The following CFH variants were observed in gnomAD, a reference collection of about 807,000 sequenced individuals.
The protein encoded by CFH is H factor 1 (complement).
Under a neutral mutation model 147.3 loss-of-function variants are expected in CFH, and 53 were observed. That is an observed-to-expected ratio of 0.36 (90% CI 0.29 to 0.45). The LOEUF is 0.45. Ranked by LOEUF, CFH falls within the 20% of genes least tolerant of loss-of-function variation. CFH has a pLI of 1.00. For missense variants in CFH, 1,380 were observed against 1,498.0 expected, an observed-to-expected ratio of 0.92 and a Z score of 1.30; for synonymous variants, 536 against 489.4, an observed-to-expected ratio of 1.10 and a Z score of -1.26.
chr1:196,743,427 A>G, intron 19 of CFH, 25 bp from the exon 20 acceptor site: 1 of 1,613,882 alleles, frequency 6.2e-7, no homozygotes, highest in Non-Finnish European at 8.5e-7. Flanking sequence ...CACTAGGTGG[A>G]ACCACTTCTT....
At chr1:196,704,671 G>A (rs907613677) in intron 9 of CFH, among the ~76,000 whole-genome samples, 1 of 152,172 alleles carries the variant, frequency 6.6e-6, no homozygotes, top group Non-Finnish European at 1.5e-5. Context: ...CTAAAGCAGC[G>A]CCCTTTGAGA....
chr1:196,743,184 C>G (rs1652870872), intron 19 of CFH, among the ~76,000 whole-genome samples: 1 of 152,148 alleles, frequency 6.6e-6, no homozygotes, highest in African/African-American at 2.4e-5. Context: ...TTCGTTTACA[C>G]TGGCTTCCAG....
At chr1:196,659,293 A>G (rs1476339087) in intron 1 of CFH, among the ~76,000 whole-genome samples, 1 of 152,218 alleles carries the variant, frequency 6.6e-6, no homozygotes, top group African/African-American at 2.4e-5. Context: ...CCTAATTATT[A>G]TTAGAACTCA....
At chr1:196,704,426 A>T (rs2149097898) in intron 9 of CFH, among the ~76,000 whole-genome samples, 1 of 152,202 alleles carries the variant, frequency 6.6e-6, no homozygotes, top group East Asian at 1.9e-4. Context: ...TCTTAACCAA[A>T]CTAAATGCTA....
chr1:196,671,242 G>A (rs531912059), intron 1 of CFH, among the ~76,000 whole-genome samples: 1 of 151,912 alleles, frequency 6.6e-6, no homozygotes, highest in South Asian at 2.1e-4. Context: ...CTGTTATAAA[G>A]ACCTAACACT....
At chr1:196,712,267 T>C (rs1317998879) in intron 9 of CFH, among the ~76,000 whole-genome samples, 2 of 152,038 alleles carry the variant, frequency 1.3e-5, no homozygotes, top group African/African-American at 2.4e-5. Flanking sequence ...TTAAATTGTC[T>C]GTACTGATTG....
At chr1:196,661,712 T>G (rs574335175) in intron 1 of CFH, among the ~76,000 whole-genome samples, 8 of 152,322 alleles carry the variant, frequency 5.3e-5, no homozygotes, top group African/African-American at 1.9e-4. Flanking sequence ...GGAGGTTGCA[T>G]GTATTCAGAG....
intron 14 of CFH, among the ~76,000 whole-genome samples, chr1:196,727,319 T>C (rs1669169293): frequency 1.3e-5 from 2 of 151,988 alleles, no homozygotes; most frequent in Admixed American, 6.6e-5. Context: ...GTGGGCAATA[T>C]AGCAAAAGCC....
At chr1:196,705,329 A>C (rs1029305066) in intron 9 of CFH, among the ~76,000 whole-genome samples, 1 of 152,140 alleles carries the variant, frequency 6.6e-6, no homozygotes, top group Non-Finnish European at 1.5e-5. Context: ...ACTGGAGAGA[A>C]GCTCTTGTCA....
chr1:196,730,888 A>G (rs936637258), intron 15 of CFH, among the ~76,000 whole-genome samples: 1 of 151,808 alleles, frequency 6.6e-6, no homozygotes, highest in African/African-American at 2.4e-5. Context: ...TGAAATGAGT[A>G]TAACTACCCC....
intron 11 of CFH, among the ~76,000 whole-genome samples, chr1:196,723,157 T>G (rs1357212909): frequency 2.0e-5 from 3 of 152,198 alleles, no homozygotes; most frequent in Non-Finnish European, 4.4e-5. Context: ...TAAATCATAC[T>G]TCCAGAAATG....
intron 1 of CFH, among the ~76,000 whole-genome samples, chr1:196,662,462 A>G (rs925035546): frequency 3.9e-5 from 6 of 152,022 alleles, no homozygotes; most frequent in Non-Finnish European, 7.4e-5. Flanking sequence ...TTGAACATTT[A>G]CCATTTTCTT....
chr1:196,724,367 A>G (rs1038538439), intron 11 of CFH, among the ~76,000 whole-genome samples: 7 of 152,028 alleles, frequency 4.6e-5, no homozygotes, highest in African/African-American at 1.4e-4. Context: ...CTCAGGCCCA[A>G]GGGGAAGGCA....
chr1:196,737,334 G>A lies in CFH; in HGVS notation c.2597-141G>A, dbSNP rs1247903789. The A allele has an allele frequency of 4.5e-6, 3 of 672,140 alleles. No individual in the cohort carries two copies. The African/African-American group carries it at 5.4e-5, about 12-fold the overall frequency. The allele number at this position is 672,140 out of a possible 1,614,324, so 41.6% of individuals were successfully genotyped here. A position where few individuals can be genotyped will look rare whatever the true frequency, so the allele number is the denominator to read the frequency against. On this transcript the variant is annotated intron_variant, in intron 16 of 21. Coordinates refer to ENST00000367429, the MANE Select transcript of CFH (RefSeq NM_000186.4). ...ATGGTGGAGGAATATATCTTTGCGA[G>A]TTTCTAATATGTTTTTGTTTTTAAA... is the stretch of plus-strand genomic sequence containing the variant.
intron 9 of CFH, among the ~76,000 whole-genome samples, chr1:196,696,957 G>C (rs988203122): frequency 6.6e-6 from 1 of 152,200 alleles, no homozygotes; most frequent in African/African-American, 2.4e-5. Flanking sequence ...GCCATATGTA[G>C]AAAGCTGAAA....
intron 1 of CFH, among the ~76,000 whole-genome samples, chr1:196,665,532 G>A (rs182749647): frequency 3.3e-4 from 50 of 151,996 alleles, no homozygotes; most frequent in African/African-American, 1.1e-3. Context: ...GCATTTGTGT[G>A]CATGTGTCTG....
At chr1:196,712,212 A>G (rs970542071) in intron 9 of CFH, among the ~76,000 whole-genome samples, 8 of 152,112 alleles carry the variant, frequency 5.3e-5, no homozygotes, top group African/African-American at 1.9e-4. Flanking sequence ...ATTTGTGGCA[A>G]GAACTCTGTT....
intron 6 of CFH, among the ~76,000 whole-genome samples, chr1:196,681,185 G>A (rs760376112): frequency 6.6e-6 from 1 of 151,708 alleles, no homozygotes; most frequent in Non-Finnish European, 1.5e-5. Flanking sequence ...TTTACATCAG[G>A]ACCTTGCTGT....
chr1:196,740,331 T>G (rs1440593565), intron 17 of CFH, among the ~76,000 whole-genome samples: 3 of 152,212 alleles, frequency 2.0e-5, no homozygotes, highest in African/African-American at 7.2e-5. Flanking sequence ...TCAATGTGTA[T>G]CTTATTATCA....
Sources: gnomAD v4.1 joint callset for allele counts (sites outside exome capture counted in the v4.1 genomes callset) on GRCh38, gnomAD v4.1.1 for gene constraint, MANE v1.5 for transcripts, NCBI Gene and HGNC (gene_info 2026-07-23, HGNC 2026-07-21) for gene names.